Variants in ARHGEF33 observed in about 807,000 individuals in gnomAD.
ARHGEF33 encodes the protein Rho guanine nucleotide exchange factor 33.
In ARHGEF33, 72 loss-of-function variants were observed where a neutral mutation model predicts 101.9. That is an observed-to-expected ratio of 0.71 (90% CI 0.58 to 0.86). The LOEUF (loss-of-function observed/expected upper bound fraction) is 0.86. Among genes scored for constraint, ARHGEF33 ranks in the 40% least tolerant of loss-of-function variants. The probability of loss-of-function intolerance (pLI) is 0.00; values close to 1 mark genes in which losing one functional copy is unlikely to be tolerated. For synonymous variants in ARHGEF33, 499 were observed against 442.5 expected (o/e 1.13, Z -1.60); for missense variants, 1,169 against 1,111.3 (o/e 1.05, Z -0.74).
At chr2:38,958,342 T>C (rs1283479885) in intron 15 of ARHGEF33, 144 bp downstream of exon 15, 11 of 1,072,006 alleles carry the variant, frequency 1.0e-5, no homozygotes, top group Admixed American at 2.6e-5. Context: ...AACCCGATTC[T>C]TGGGTCCCAG....
chr2:38,911,352 A>G (rs1666505869), intron 2 of ARHGEF33, among the ~76,000 whole-genome samples: 1 of 152,186 alleles, frequency 6.6e-6, no homozygotes, highest in Non-Finnish European at 1.5e-5. Context: ...CTAAAGACCC[A>G]TTCAATAAAG....
At chr2:38,919,335 A>T in intron 2 of ARHGEF33, 28 bp from the exon 3 acceptor site, 2 of 1,067,754 alleles carry the variant, frequency 1.9e-6, no homozygotes, top group East Asian at 5.2e-5. Flanking sequence ...TTTACTTGTT[A>T]TCCCTTACTC....
intron 10 of ARHGEF33, among the ~76,000 whole-genome samples, chr2:38,949,728 G>A (rs1667549938): frequency 6.6e-6 from 1 of 152,160 alleles, no homozygotes; most frequent in African/African-American, 2.4e-5. Flanking sequence ...GTAAAGTAAA[G>A]AGGTTTAATT....
intron 10 of ARHGEF33, among the ~76,000 whole-genome samples, chr2:38,950,759 A>G (rs1481001572): frequency 1.3e-5 from 2 of 152,210 alleles, no homozygotes; most frequent in East Asian, 1.9e-4. Context: ...TTCAATACAC[A>G]TTTGTATAGA....
chr2:38,907,006 A>G (rs1480645531), intron 2 of ARHGEF33, among the ~76,000 whole-genome samples: 1 of 152,030 alleles, frequency 6.6e-6, no homozygotes, highest in Non-Finnish European at 1.5e-5. Flanking sequence ...ACAATTGAGG[A>G]GAATGGCCAA....
chr2:38,948,280 AT>A (rs973244413), intron 10 of ARHGEF33, among the ~76,000 whole-genome samples: 1 of 152,150 alleles, frequency 6.6e-6, no homozygotes, highest in Non-Finnish European at 1.5e-5. Flanking sequence ...CCCTTGTTAA[AT>A]TTTTTTAAAA....
chr2:38,929,276 A>G (rs1572753368), intron 5 of ARHGEF33, among the ~76,000 whole-genome samples: 1 of 152,108 alleles, frequency 6.6e-6, no homozygotes, highest in East Asian at 1.9e-4. Flanking sequence ...TAAAAATATA[A>G]AAATTAGCCG....
Position 38,919,437 on chromosome 2 carries a change from T to C in ARHGEF33, c.-11T>C. On this transcript the variant is annotated 5_prime_UTR_variant, in exon 3 of 18. Coordinates refer to ENST00000409978, the MANE Select transcript of ARHGEF33 (RefSeq NM_001145451.5). ...TGAAGAATAAGCTGGAGAAGAGAAG[T>C]AACCGGCACTATGGAAAAAACCAAA... The C allele has an allele frequency of 6.4e-7, 1 of 1,551,884 alleles. No individual in the cohort carries two copies. Among genetic ancestry groups the C allele is most frequent in the Non-Finnish European group, 8.7e-7 (1 of 1,146,938 alleles).
In ARHGEF33 at chr2:38,927,644, C is replaced by T. The variant is rs146479031; in HGVS notation, c.76-1263C>T. Among the ~76,000 whole-genome samples, 900 of 152,288 alleles carry T rather than the reference C, an allele frequency of 5.9e-3. 8 individuals are homozygous for T. Among genetic ancestry groups the T allele is most frequent in the African/African-American group, 0.021 (859 of 41,560 alleles). ...CCAGAAGGTAGAGGTTGCAGTGAGC[C>T]AAGATCATGCCACTGCACTCCAGCC... On this transcript the variant is annotated intron_variant, in intron 4 of 17. Transcript: ENST00000409978.
intron 16 of ARHGEF33, among the ~76,000 whole-genome samples, chr2:38,961,623 A>C (rs1354152909): frequency 6.6e-6 from 1 of 152,118 alleles, no homozygotes; most frequent in African/African-American, 2.4e-5. Context: ...ATTTTTCAGC[A>C]AACACTGAGT....
chr2:38,937,579 G>A lies in ARHGEF33; in HGVS notation c.790+20G>A. 1.5e-6 allele frequency: 2 copies of A among 1,331,128 alleles called. No homozygotes were observed. The highest frequency in any genetic ancestry group is 2.1e-6 in the Non-Finnish European group (2 of 948,418). The allele number at this position is 1,331,128 out of a possible 1,614,324, so 82.5% of individuals were successfully genotyped here. A position where few individuals can be genotyped will look rare whatever the true frequency, so the allele number is the denominator to read the frequency against. On this transcript the variant is annotated intron_variant, in intron 9 of 17. Transcript: ENST00000409978. ...TAGCTGGTAAGTTCCAAGGGGGAAT[G>A]CAGGCTAATAGTTTAAAGAACAGGA...
chr2:38,963,513 A>G (rs1572781559), intron 16 of ARHGEF33, among the ~76,000 whole-genome samples: 1 of 152,304 alleles, frequency 6.6e-6, no homozygotes, highest in East Asian at 1.9e-4. Context: ...AGTTGTCTCA[A>G]AATAAAACAA....
chr2:38,928,293 C>T (rs1403198954), intron 4 of ARHGEF33, among the ~76,000 whole-genome samples: 1 of 152,170 alleles, frequency 6.6e-6, no homozygotes, highest in Admixed American at 6.5e-5. Context: ...TGAGCTCCTA[C>T]CATACCCTAC....
chr2:38,911,986 AC>A (rs1401967774), intron 2 of ARHGEF33, among the ~76,000 whole-genome samples: 1 of 152,254 alleles, frequency 6.6e-6, no homozygotes, highest in Admixed American at 6.5e-5. Context: ...CCAGAACCCT[AC>A]CAGCTTGGTG....
At chr2:38,933,804 A>T (rs745353276) in intron 7 of ARHGEF33, among the ~76,000 whole-genome samples, 52 of 152,218 alleles carry the variant, frequency 3.4e-4, no homozygotes, top group Non-Finnish European at 6.6e-4. Context: ...GTAAATGCTA[A>T]GGGGTGGGGA....
chr2:38,963,217 A>G (rs1035859460), intron 16 of ARHGEF33, among the ~76,000 whole-genome samples: 4 of 152,150 alleles, frequency 2.6e-5, no homozygotes, highest in African/African-American at 9.7e-5. Flanking sequence ...GTTGCAAAAG[A>G]TAAACCCCTT....
intron 3 of ARHGEF33, among the ~76,000 whole-genome samples, chr2:38,920,989 A>G (rs1456012048): frequency 1.3e-5 from 2 of 152,196 alleles, no homozygotes; most frequent in Admixed American, 1.3e-4. Context: ...TGCCTGGTGA[A>G]GAGCCGCCTT....
At chr2:38,957,855 A>G in intron 14 of ARHGEF33, 179 bp from the exon 15 acceptor site, 1 of 673,170 alleles carries the variant, frequency 1.5e-6, no homozygotes, top group South Asian at 2.0e-5. Context: ...CAGCTTCCCT[A>G]GTCCTGCCAG....
chr2:38,915,109 C>A (rs1237522086), intron 2 of ARHGEF33, among the ~76,000 whole-genome samples: 4 of 152,066 alleles, frequency 2.6e-5, no homozygotes, highest in Middle Eastern at 6.3e-3. Context: ...TCCTTGGCCA[C>A]CCAAAGTGCT....
Sources: gnomAD v4.1 joint callset for allele counts (sites outside exome capture counted in the v4.1 genomes callset) on GRCh38, gnomAD v4.1.1 for gene constraint, MANE v1.5 for transcripts, NCBI Gene and HGNC (gene_info 2026-07-23, HGNC 2026-07-21) for gene names.